CLUH: variants seen among roughly 807,000 people sequenced by gnomAD.
CLUH encodes clustered mitochondria protein homolog.
A neutral mutation model predicts 139.3 loss-of-function variants in CLUH; 77 were observed. The ratio of observed to expected loss-of-function variants is 0.55; its 90% CI spans 0.46 to 0.67. The LOEUF is 0.67. CLUH is among the 30% of genes least tolerant of loss of function. CLUH has a pLI of 0.00. For missense variants in CLUH, 1,876 were observed against 1,875.8 expected (o/e 1.00, Z 0.00); for synonymous variants, 999 against 801.6 (o/e 1.25, Z -4.16).
At chr17:2,701,759 G>A (rs79325098) in intron 4 of CLUH, 22 bp from the exon 5 acceptor site, 2 of 1,556,608 alleles carry the variant, frequency 1.3e-6, no homozygotes, top group East Asian at 2.3e-5. Context: ...GAGGCTGGTG[G>A]TCAGCACAGG....
In CLUH at chr17:2,696,182, G is replaced by C. The variant is rs1244794141; in HGVS notation, c.2368C>G (p.Leu790Val). The C allele has an allele frequency of 1.1e-5, 17 of 1,566,490 alleles. No homozygotes were observed. Among genetic ancestry groups the C allele is most frequent in the Non-Finnish European group, 1.4e-5 (16 of 1,156,114 alleles). ...QLLKDAAAFL[L>V]SCQIPGLVKD... ...ACCAAGCCAGGGATCTGGCAGGAGA[G>C]CAGGAAGGCAGCCGCGTCCTTCAGC... Residue 790 changes from leucine to valine, a missense_variant, in exon 13 of 26, where the codon CTC (leucine) becomes GTC (valine). This residue lies in a region of CLUH where 1,454 missense variants were observed against 1,384.4 expected (regional missense o/e 1.05). Transcript: ENST00000651024.
At position 2,691,719 on chromosome 17, in the gene CLUH, C is replaced by A. The variant is rs760405042; in HGVS notation, c.3790-37G>T. On this transcript the variant is annotated intron_variant, in intron 24 of 25. Coordinates refer to ENST00000651024, the MANE Select transcript of CLUH (RefSeq NM_001366661.1). Reference sequence around the variant, plus strand: ...GGAAACCAGCGGTGAGCGGGGCTCCCGCGCTCGCCGGGCCGGAGGGGCCGC... The same window carrying A: ...GGAAACCAGCGGTGAGCGGGGCTCCAGCGCTCGCCGGGCCGGAGGGGCCGC... 39 of 1,604,300 alleles carry A rather than the reference C, an allele frequency of 2.4e-5. 1 individual carries two copies. The East Asian group carries it at 3.2e-4, about 13-fold the overall frequency.
chr17:2,690,633 G>A lies in CLUH; in HGVS notation c.4008C>T (p.Pro1336=), dbSNP rs778945609. The A allele has an allele frequency of 2.0e-6, 3 of 1,508,872 alleles. No homozygotes were observed. Among genetic ancestry groups the A allele is most frequent in the South Asian group, 2.6e-5 (2 of 76,706 alleles). 93.5% of individuals were successfully genotyped at this position (1,508,872 alleles called of 1,614,324 possible). ...AGAPGDLGSQ[P]PAAKDPSPSV... ...TCGGAGAAGGGTCCTTGGCAGCCGG[G>A]GGCTGGGAGCCCAGGTCTCCTGGGG... Residue 1336 remains proline (P), a synonymous_variant, in exon 26 of 26, where the codon CCC becomes CCT. Coordinates refer to ENST00000651024, the MANE Select transcript of CLUH (RefSeq NM_001366661.1).
intron 24 of CLUH, 35 bp from the exon 25 acceptor site, chr17:2,691,717 C>CA: frequency 1.9e-6 from 3 of 1,604,648 alleles, no homozygotes; most frequent in Non-Finnish European, 2.6e-6. Flanking sequence ...GAGCGGGGCT[C>CA]CCGCGCTCGC....
chr17:2,690,835 G>C (rs1182125882), intron 25 of CLUH, 58 bp from the exon 26 acceptor site: 9 of 1,324,032 alleles, frequency 6.8e-6, no homozygotes, highest in Non-Finnish European at 8.9e-6. Context: ...GGCTCCACCC[G>C]CCTCCCGGCT....
In CLUH at chr17:2,711,693, C is replaced by T; in HGVS notation, c.-32G>A. On this transcript the variant is annotated 5_prime_UTR_variant, in exon 1 of 26. Coordinates refer to ENST00000651024, the MANE Select transcript of CLUH (RefSeq NM_001366661.1). ...GGGAGCGGGCGTCCGCCTCGGCTGTCCGCGCCGCCCGCCGCGCCACTAACC... is the reference window on the plus strand; with the variant it reads ...GGGAGCGGGCGTCCGCCTCGGCTGTTCGCGCCGCCCGCCGCGCCACTAACC... 1.1e-6 allele frequency: 1 copy of T among 918,898 alleles called. No homozygotes were observed. The highest frequency in any genetic ancestry group is 1.8e-5 in the African/African-American group (1 of 56,000). 56.9% of individuals were successfully genotyped at this position (918,898 alleles called of 1,614,324 possible).
rs533424576 is a variant in CLUH, at chr17:2,698,420, C to T, written c.1437G>A (p.Gly479=). The change falls in exon 10 of 26, where the codon GGG becomes GGA. Residue 479 remains glycine (G), a synonymous_variant. Coordinates refer to ENST00000651024, the MANE Select transcript of CLUH (RefSeq NM_001366661.1). The part of the protein sequence containing the change: ...DVRDHYKDFG[G]DVAAYVAPTN... ...TGGGCGCCACGTAGGCCGCCACGTC[C>T]CCCCCGAAGTCCTTGTAGTGGTCTC... 14 of 1,613,364 alleles carry T rather than the reference C, an allele frequency of 8.7e-6. No homozygotes were observed. The highest frequency in any genetic ancestry group is 5.3e-5 in the African/African-American group (4 of 75,056).
rs894586638 is a variant in CLUH at position 2,692,170 on chromosome 17, C to T, written c.3561-73G>A. 82 of 1,482,996 alleles carry T rather than the reference C, an allele frequency of 5.5e-5. No individual in the cohort carries two copies. The East Asian group carries it at 5.9e-4, about 11-fold the overall frequency. The allele number at this position is 1,482,996 out of a possible 1,614,324, so 91.9% of individuals were successfully genotyped here. On this transcript the variant is annotated intron_variant, in intron 22 of 25. Transcript: ENST00000651024. The stretch of plus-strand genomic sequence containing the variant: ...GGTGTGGGGGCCTGACTCGGGGGCC[C>T]GGGGTCTCCCGTAGATCCCTCCCTG...
Position 2,695,108 on chromosome 17 carries a change from G to A in CLUH, c.2608-7C>T, listed in dbSNP as rs2069884524. ...GGCCGGAGAGCTCGACTCCCTGCGA[G>A]GCAGGTTGGATCCGAGTCATGAGGG... On this transcript the variant is annotated splice_polypyrimidine_tract_variant and splice_region_variant and intron_variant, in intron 15 of 25. Transcript: ENST00000651024. 1 of 1,612,432 alleles carries A rather than the reference G, an allele frequency of 6.2e-7. No individual in the cohort carries two copies.
Position 2,703,984 on chromosome 17 carries a change from T to C in CLUH, c.303+378A>G, listed in dbSNP as rs1037435366. On this transcript the variant is annotated intron_variant, in intron 2 of 25. Transcript: ENST00000651024. The surrounding 1 kb of genome is among the most constrained non-coding windows in gnomAD (Gnocchi z 4.2). ...AAGACCTCCACGCTGGCTCTGCCCT[T>C]GGAGATAACCCAATACTACCCTCCC... Among the ~76,000 whole-genome samples the C allele has an allele frequency of 6.6e-6, 1 of 152,154 alleles. No homozygotes were observed. Among genetic ancestry groups the C allele is most frequent in the Admixed American group, 6.5e-5 (1 of 15,272 alleles).
At position 2,694,121 on chromosome 17, in the gene CLUH, A is replaced by C. The variant is rs1257329799; in HGVS notation, c.3091+2T>G. On this transcript the variant is annotated splice_donor_variant, in intron 18 of 25. Coordinates refer to ENST00000651024, the MANE Select transcript of CLUH (RefSeq NM_001366661.1). LOFTEE classifies it high-confidence loss of function. ...TCCACCCAGCCCCACCTGGCCACAC[A>C]CCCTGCTGCACTTTGGCCTGCCCGC... 6.2e-7 allele frequency: 1 copy of C among 1,613,646 alleles called. No homozygotes were observed. Among genetic ancestry groups the C allele is most frequent in the Non-Finnish European group, 8.5e-7 (1 of 1,179,754 alleles).
In CLUH at chr17:2,695,209, G is replaced by T; in HGVS notation, c.2607+9C>A. The stretch of plus-strand genomic sequence containing the variant: ...GGCCATGGCCAGCCGCAGAGCGGAC[G>T]GGTGGCACCTGTAAGTACGTCTTGA... On this transcript the variant is annotated intron_variant, in intron 15 of 25. Transcript: ENST00000651024. The T allele has an allele frequency of 6.2e-7, 1 of 1,613,836 alleles. No individual in the cohort carries two copies. The highest frequency in any genetic ancestry group is 8.5e-7 in the Non-Finnish European group (1 of 1,179,840).
chr17:2,701,148 C>T lies in CLUH; in HGVS notation c.1017G>A (p.Gln339=). Reference sequence around the variant, plus strand: ...GGGGACAAAGGCACTACCTTTTCTTCTGCAGCACAGCGAAGTTCTTCTTGA... The same window carrying T: ...GGGGACAAAGGCACTACCTTTTCTTTTGCAGCACAGCGAAGTTCTTCTTGA... The part of the protein sequence containing the change: ...PTFKKNFAVL[Q]KKRVQRHPFE... The change falls in exon 7 of 26, where the codon CAG becomes CAA. Residue 339 remains glutamine (Q), a synonymous_variant. Coordinates refer to ENST00000651024, the MANE Select transcript of CLUH (RefSeq NM_001366661.1). 3 of 1,613,956 alleles carry T rather than the reference C, an allele frequency of 1.9e-6. No individual in the cohort carries two copies. Among genetic ancestry groups the T allele is most frequent in the Non-Finnish European group, 8.5e-7 (1 of 1,179,892 alleles).
chr17:2,710,527 G>C (rs1439432962), intron 1 of CLUH, among the ~76,000 whole-genome samples: 1 of 152,210 alleles, frequency 6.6e-6, no homozygotes, highest in Non-Finnish European at 1.5e-5. Context: ...GTCGACGGAG[G>C]AGGGAGGGAC....
chr17:2,698,262 C>G lies in CLUH; in HGVS notation c.1595G>C (p.Arg532Pro). 6.2e-7 allele frequency: 1 copy of G among 1,608,482 alleles called. No homozygotes were observed. The highest frequency in any genetic ancestry group is 8.5e-7 in the Non-Finnish European group (1 of 1,178,008). The change falls in exon 10 of 26, where the codon CGG (arginine) becomes CCG (proline). Residue 532 changes from arginine (R) to proline (P), a missense_variant. By Grantham distance (103) the Arg-to-Pro change is moderately radical. Around this residue, in one of 3 missense-constraint regions of CLUH, gnomAD observed 1,454 missense variants for 1,384.4 expected, o/e 1.05. Transcript: ENST00000651024. ...AQSIIPGILE[R>P]DQEQSVIYGS... ...GTAGATGACGCTCTGCTCCTGGTCC[C>G]GCTCCAGGATGCCGGGGATGATGGA...
At chr17:2,694,826 A>ACCCCCCCCCCCCCCCCAGCCCCCCC in intron 16 of CLUH, 31 bp downstream of exon 16, 1 of 796,164 alleles carries the variant, frequency 1.3e-6, no homozygotes, top group Non-Finnish European at 1.8e-6. Flanking sequence ...GCCCAATCCC[A>ACCCCCCCCCCCCCCCCAGCCCCCCC]CCCACCCCAC....
At chr17:2,705,612 C>A (rs551895704) in intron 1 of CLUH, among the ~76,000 whole-genome samples, 2 of 152,250 alleles carry the variant, frequency 1.3e-5, no homozygotes, top group South Asian at 4.1e-4. Context: ...CCCAAATGAC[C>A]CTTAATGGCA....
chr17:2,701,852 A>AGCCCC, intron 4 of CLUH, 62 bp downstream of exon 4: 1 of 1,603,406 alleles, frequency 6.2e-7, no homozygotes, highest in Non-Finnish European at 8.5e-7. Flanking sequence ...CCCCTTCTCC[A>AGCCCC]GCCCCCCACC....
intron 1 of CLUH, among the ~76,000 whole-genome samples, chr17:2,705,679 C>G (rs1450533679): frequency 3.3e-5 from 5 of 152,150 alleles, no homozygotes; most frequent in Non-Finnish European, 7.4e-5. Context: ...CCCAGGGTGG[C>G]GTCCTCACCA....
Sources: gnomAD v4.1 joint callset for allele counts (sites outside exome capture counted in the v4.1 genomes callset) on GRCh38, gnomAD v4.1.1 for gene constraint, gnomAD v4.1.1 regional missense constraint, Gnocchi (gnomAD v3.1) non-coding constraint, MANE v1.5 for transcripts, NCBI Gene and HGNC (gene_info 2026-07-23, HGNC 2026-07-21) for gene names.